Variants in NPAS3 observed in about 807,000 individuals in gnomAD.
The protein encoded by NPAS3 is neuronal PAS domain protein 3, also known as neuronal PAS domain-containing protein 3.
In NPAS3, 14 loss-of-function variants were observed where a neutral mutation model predicts 73.1. That is an observed-to-expected ratio of 0.19 (90% CI 0.13 to 0.30). NPAS3 has a LOEUF of 0.30. Among genes scored for constraint, NPAS3 ranks in the 10% least tolerant of loss-of-function variants. The pLI, the probability that NPAS3 is intolerant of heterozygous loss-of-function variation, is 1.00. For synonymous variants in NPAS3, 620 were observed against 541.5 expected (o/e 1.14, Z -2.01); for missense variants, 1,096 against 1,250.0 (o/e 0.88, Z 1.86).
intron 3 of NPAS3, among the ~76,000 whole-genome samples, chr14:33,259,049 G>A (rs550293043): frequency 5.3e-5 from 8 of 152,090 alleles, no homozygotes; most frequent in African/African-American, 1.4e-4. Flanking sequence ...TCCTGACCTC[G>A]TGATCCGCCC....
chr14:32,956,202 G>A (rs917730893), intron 1 of NPAS3, among the ~76,000 whole-genome samples: 3 of 151,962 alleles, frequency 2.0e-5, no homozygotes, highest in African/African-American at 4.8e-5. Context: ...CATTAATTCT[G>A]TATTTCACAA....
intron 2 of NPAS3, among the ~76,000 whole-genome samples, chr14:33,071,253 A>G (rs1370806857): frequency 2.0e-5 from 3 of 152,230 alleles, no homozygotes; most frequent in Non-Finnish European, 4.4e-5. Context: ...TAAAAGGCAT[A>G]AATGAGGTTG....
At chr14:33,396,771 CTT>C (rs1044317857) in intron 4 of NPAS3, among the ~76,000 whole-genome samples, 57 of 152,168 alleles carry the variant, frequency 3.7e-4, no homozygotes, top group African/African-American at 1.2e-3. Flanking sequence ...TATATATACA[CTT>C]ATGTGTATAT....
chr14:33,581,455 T>C (rs879300207), intron 5 of NPAS3, among the ~76,000 whole-genome samples: 18 of 152,236 alleles, frequency 1.2e-4, no homozygotes, highest in Non-Finnish European at 1.9e-4. Flanking sequence ...CAAAAAGATA[T>C]ATTGTAAAAA....
At chr14:33,570,661 C>G (rs1166182715) in intron 5 of NPAS3, among the ~76,000 whole-genome samples, 1 of 152,126 alleles carries the variant, frequency 6.6e-6, no homozygotes, top group Non-Finnish European at 1.5e-5. Context: ...ACTCATTCAG[C>G]TCTTTAGTAA....
intron 5 of NPAS3, among the ~76,000 whole-genome samples, chr14:33,562,918 C>CACACACACACACA (rs1595160661): frequency 2.0e-5 from 3 of 151,624 alleles, no homozygotes; most frequent in South Asian, 2.1e-4. Flanking sequence ...CACACACACA[C>CACACACACACACA]CCTTAATCAA....
intron 4 of NPAS3, among the ~76,000 whole-genome samples, chr14:33,374,953 T>C (rs925894937): frequency 2.0e-5 from 3 of 152,188 alleles, no homozygotes; most frequent in Admixed American, 6.6e-5. Flanking sequence ...AACAGTGATA[T>C]CTTCAAGTCT....
intron 4 of NPAS3, among the ~76,000 whole-genome samples, chr14:33,426,794 G>A (rs952073381): frequency 2.0e-5 from 3 of 152,050 alleles, no homozygotes; most frequent in African/African-American, 7.2e-5. Flanking sequence ...AAAATTACAA[G>A]TCTCATTTGT....
intron 1 of NPAS3, among the ~76,000 whole-genome samples, chr14:33,022,221 GA>G (rs772420753): frequency 6.6e-6 from 1 of 152,210 alleles, no homozygotes; most frequent in Non-Finnish European, 1.5e-5. Flanking sequence ...TGAAGACAGA[GA>G]TTACGAGTCA....
intron 3 of NPAS3, among the ~76,000 whole-genome samples, chr14:33,294,469 G>T (rs1221457985): frequency 6.6e-6 from 1 of 152,036 alleles, no homozygotes; most frequent in African/African-American, 2.4e-5. Flanking sequence ...ACTCTCAGTG[G>T]CTCAATTCCT....
chr14:33,600,362 T>G (rs150230664), intron 5 of NPAS3, among the ~76,000 whole-genome samples: 1 of 152,332 alleles, frequency 6.6e-6, no homozygotes, highest in East Asian at 1.9e-4. Context: ...AAATATTCTC[T>G]TTATGCATTT....
chr14:33,641,343 T>C (rs188079816), intron 5 of NPAS3, among the ~76,000 whole-genome samples: 1 of 152,306 alleles, frequency 6.6e-6, no homozygotes, highest in African/African-American at 2.4e-5. Flanking sequence ...TAGTTGAATA[T>C]GAAAAAAATA....
intron 5 of NPAS3, chr14:33,612,262 C>A: frequency 2.7e-6 from 1 of 363,774 alleles, no homozygotes; most frequent in Non-Finnish European, 5.6e-6. Flanking sequence ...ACAGTGATGC[C>A]CCACTGTTCA....
chr14:33,255,542 C>T (rs2048747368), intron 3 of NPAS3, among the ~76,000 whole-genome samples: 2 of 152,060 alleles, frequency 1.3e-5, no homozygotes, highest in Non-Finnish European at 2.9e-5. Context: ...TTCCAAGGCT[C>T]AATTGCCAAG....
chr14:33,553,311 T>G (rs771567402), intron 4 of NPAS3, among the ~76,000 whole-genome samples: 1 of 152,220 alleles, frequency 6.6e-6, no homozygotes, highest in Non-Finnish European at 1.5e-5. Context: ...GTTCTTCTCA[T>G]GTTTTAACAC....
intron 5 of NPAS3, among the ~76,000 whole-genome samples, chr14:33,668,472 A>G (rs1339179628): frequency 6.6e-6 from 1 of 152,184 alleles, no homozygotes; most frequent in African/African-American, 2.4e-5. Context: ...AATGGAAAAA[A>G]TCATCCCCAG....
intron 5 of NPAS3, among the ~76,000 whole-genome samples, chr14:33,598,702 C>T (rs1428484181): frequency 6.6e-6 from 1 of 152,084 alleles, no homozygotes; most frequent in Non-Finnish European, 1.5e-5. Context: ...GGTTTTGTGG[C>T]CGATGGCTGC....
chr14:33,503,909 AAAAGCTAATTGGTAG>A (rs1288083327), intron 4 of NPAS3, among the ~76,000 whole-genome samples: 1 of 152,052 alleles, frequency 6.6e-6, no homozygotes, highest in African/African-American at 2.4e-5. Flanking sequence ...TTGCTCTGCT[AAAAGCTAATTGGTAG>A]AAAGAATAAC....
chr14:33,274,063 A>G (rs533239214), intron 3 of NPAS3, among the ~76,000 whole-genome samples: 15 of 152,328 alleles, frequency 9.8e-5, no homozygotes, highest in South Asian at 4.1e-4. Context: ...GAGACACTAC[A>G]CTGTGGCATG....
Sources: gnomAD v4.1 joint callset for allele counts (sites outside exome capture counted in the v4.1 genomes callset) on GRCh38, gnomAD v4.1.1 for gene constraint, MANE v1.5 for transcripts, NCBI Gene and HGNC (gene_info 2026-07-23, HGNC 2026-07-21) for gene names.